FMNL2: variants seen among roughly 807,000 people sequenced by gnomAD.
The protein encoded by FMNL2 is formin like 2.
FMNL2 carries 51 observed loss-of-function variants against 130.2 expected under a neutral mutation model. The ratio of observed to expected loss-of-function variants is 0.39; its 90% confidence interval spans 0.31 to 0.49. The LOEUF is 0.49. FMNL2 is among the 20% of genes least tolerant of loss of function. The pLI, the probability that FMNL2 is intolerant of heterozygous loss-of-function variation, is 0.85. For missense variants in FMNL2, 977 were observed against 1,316.2 expected (o/e 0.74, Z 3.99); for synonymous variants, 465 against 467.1 (o/e 1.00, Z 0.06).
chr2:152,446,983 C>G (rs1688375873), intron 1 of FMNL2, among the ~76,000 whole-genome samples: 1 of 151,892 alleles, frequency 6.6e-6, no homozygotes, highest in Non-Finnish European at 1.5e-5. Flanking sequence ...GGCAGCTAAA[C>G]TTTTCTGGGT....
chr2:152,593,882 TGTGTGTGTGTGTGTGTGTGTGAGAGA>T (rs1331480523), intron 9 of FMNL2, among the ~76,000 whole-genome samples: 26 of 104,812 alleles, frequency 2.5e-4, no homozygotes, highest in African/African-American at 8.5e-4. Context: ...TGTGTGTGTG[TGTGTGTGTGTGTGTGTGTGTGAGAGA>T]GAGAGAGAGA....
chr2:152,418,080 A>G (rs2106029329), intron 1 of FMNL2, among the ~76,000 whole-genome samples: 1 of 152,276 alleles, frequency 6.6e-6, no homozygotes, highest in South Asian at 2.1e-4. Context: ...TCCTGAGCTC[A>G]GATAATCTGC....
intron 1 of FMNL2, among the ~76,000 whole-genome samples, chr2:152,506,139 T>A (rs1229114913): frequency 6.6e-6 from 1 of 152,250 alleles, no homozygotes; most frequent in African/African-American, 2.4e-5. Context: ...GGGAAATATC[T>A]CGTTTTTATG....
At chr2:152,390,584 G>A in intron 1 of FMNL2, 3 of 1,348,646 alleles carry the variant, frequency 2.2e-6, no homozygotes, top group Non-Finnish European at 3.2e-6. Context: ...TTCTGAAGAA[G>A]TTCATGGATC....
chr2:152,524,810 T>C (rs903492761), intron 2 of FMNL2, among the ~76,000 whole-genome samples: 1 of 152,152 alleles, frequency 6.6e-6, no homozygotes, highest in Non-Finnish European at 1.5e-5. Context: ...GTGGGTACTG[T>C]GGATAAATGC....
chr2:152,628,101 T>TA (rs1182394732), intron 17 of FMNL2, among the ~76,000 whole-genome samples, 198 bp from the exon 18 acceptor site: 1 of 152,190 alleles, frequency 6.6e-6, no homozygotes, highest in Non-Finnish European at 1.5e-5. Context: ...CCAGTTAAGT[T>TA]ACCTGAGGCA....
intron 1 of FMNL2, chr2:152,390,619 A>G: frequency 9.3e-7 from 1 of 1,070,164 alleles, no homozygotes; most frequent in Non-Finnish European, 1.5e-6. Context: ...GATTTTTCCA[A>G]GGCCAAATTC....
chr2:152,369,911 G>A (rs1683777188), intron 1 of FMNL2, among the ~76,000 whole-genome samples: 1 of 152,090 alleles, frequency 6.6e-6, no homozygotes, highest in Admixed American at 6.6e-5. Context: ...TTGTTGATTT[G>A]TTCTTTGCTG....
chr2:152,598,164 G>A (rs936124347), intron 9 of FMNL2, among the ~76,000 whole-genome samples: 2 of 152,188 alleles, frequency 1.3e-5, no homozygotes, highest in Admixed American at 6.5e-5. Context: ...CTCTAGCCAC[G>A]TGCTCTTGCT....
chr2:152,439,650 C>T (rs1353779667), intron 1 of FMNL2, among the ~76,000 whole-genome samples: 3 of 151,840 alleles, frequency 2.0e-5, no homozygotes, highest in South Asian at 2.1e-4. Context: ...TGTTGCAATA[C>T]TTCCACGTAA....
intron 9 of FMNL2, among the ~76,000 whole-genome samples, chr2:152,589,987 A>ATATGTATGTATATATATATGTATATG (rs70974871): frequency 1.8e-5 from 1 of 55,254 alleles, no homozygotes; most frequent in Admixed American, 1.9e-4. Flanking sequence ...ATATATATGT[A>ATATGTATGTATATATATATGTATATG]TATGTATATG....
At chr2:152,379,764 T>C (rs554782867) in intron 1 of FMNL2, among the ~76,000 whole-genome samples, 3 of 152,334 alleles carry the variant, frequency 2.0e-5, no homozygotes, top group Non-Finnish European at 4.4e-5. Flanking sequence ...AGAAAACTTA[T>C]TAGAAACTGA....
chr2:152,568,572 A>G (rs1049281488), intron 6 of FMNL2, among the ~76,000 whole-genome samples: 1 of 152,148 alleles, frequency 6.6e-6, no homozygotes, highest in Non-Finnish European at 1.5e-5. Flanking sequence ...CCCGAGACTG[A>G]GTAATTTATA....
chr2:152,540,368 A>G (rs1341150655), intron 2 of FMNL2, among the ~76,000 whole-genome samples: 1 of 152,144 alleles, frequency 6.6e-6, no homozygotes, highest in Non-Finnish European at 1.5e-5. Flanking sequence ...CAGTGATGGC[A>G]CTAGAGATGT....
intron 1 of FMNL2, among the ~76,000 whole-genome samples, chr2:152,441,363 G>T (rs1432687089): frequency 6.6e-6 from 1 of 152,200 alleles, no homozygotes; most frequent in Non-Finnish European, 1.5e-5. Context: ...GGTGGGATTT[G>T]AACCAATTTT....
At position 152,648,074 on chromosome 2, in the gene FMNL2, G is replaced by C; in HGVS notation, c.*169G>C. On this transcript the variant is annotated 3_prime_UTR_variant, in exon 26 of 26. Transcript: ENST00000288670. ...AAAATGAGCTCTCCTTTCAACCCTTGTTAACAAGTGCCTAAAAATGGAAGT... is the reference window on the plus strand; with the variant it reads ...AAAATGAGCTCTCCTTTCAACCCTTCTTAACAAGTGCCTAAAAATGGAAGT... 1 of 587,634 alleles carries C rather than the reference G, an allele frequency of 1.7e-6. No individual in the cohort carries two copies. The highest frequency in any genetic ancestry group is 3.0e-5 in the East Asian group (1 of 33,344). The allele number at this position is 587,634 out of a possible 1,614,324, so 36.4% of individuals were successfully genotyped here.
chr2:152,349,350 A>C (rs1026217169), intron 1 of FMNL2, among the ~76,000 whole-genome samples: 1 of 152,160 alleles, frequency 6.6e-6, no homozygotes, highest in African/African-American at 2.4e-5. Context: ...CAACTTTTCC[A>C]GGGAGGTATT....
intron 1 of FMNL2, among the ~76,000 whole-genome samples, chr2:152,398,164 C>T (rs1037225048): frequency 6.6e-6 from 1 of 152,246 alleles, no homozygotes; most frequent in Non-Finnish European, 1.5e-5. Flanking sequence ...GCATGTTGTC[C>T]TCTGGCCTGC....
Position 152,619,620 on chromosome 2 carries a change from A to C in FMNL2, c.1739A>C (p.Glu580Ala), listed in dbSNP as rs563837040. ...PPPPLPGPAAETVPAPPLAPP... is the reference protein window; with the variant it reads ...PPPPLPGPAAATVPAPPLAPP... ...CCTCCTCTCCCAGGCCCTGCAGCTG[A>C]GACTGTACCAGCTCCTCCCTTAGCA... The change falls in exon 15 of 26, where the codon GAG (glutamate) becomes GCG (alanine). Residue 580 changes from glutamate to alanine, a missense_variant. Transcript: ENST00000288670. The C allele has an allele frequency of 1.9e-5, 26 of 1,352,284 alleles. No individual in the cohort carries two copies. The South Asian group carries it at 2.7e-4, about 14-fold the overall frequency. 83.8% of individuals were successfully genotyped at this position (1,352,284 alleles called of 1,614,324 possible).
Sources: allele counts gnomAD v4.1 joint callset (sites outside exome capture counted in the v4.1 genomes callset), GRCh38; gene constraint gnomAD v4.1.1; transcripts MANE v1.5; gene names NCBI Gene and HGNC (gene_info 2026-07-23, HGNC 2026-07-21).